The following NELL1 variants were observed in gnomAD, a reference collection of about 807,000 sequenced individuals.
NELL1 encodes the protein neural EGFL like 1.
A neutral mutation model predicts 107.4 loss-of-function variants in NELL1; 76 were observed. The ratio of observed to expected loss-of-function variants is 0.71; its 90% CI spans 0.59 to 0.86. NELL1 has a LOEUF of 0.86. Ranked by LOEUF, NELL1 falls within the 40% of genes least tolerant of loss-of-function variation. The pLI, the probability that NELL1 is intolerant of heterozygous loss-of-function variation, is 0.00. For missense variants in NELL1, 1,024 were observed against 1,005.5 expected, an observed-to-expected ratio of 1.02 and a Z score of -0.25; for synonymous variants, 353 against 341.2, an observed-to-expected ratio of 1.03 and a Z score of -0.38.
intron 14 of NELL1, among the ~76,000 whole-genome samples, chr11:21,287,351 A>G (rs969482662): frequency 2.8e-4 from 43 of 152,258 alleles, no homozygotes; most frequent in African/African-American, 8.9e-4. Flanking sequence ...GCCCTGTTCA[A>G]TCTATTTTCA....
rs573424528 is a variant in NELL1, at chr11:20,781,006, T to C, written c.185-2674T>C. Reference sequence around the variant, plus strand: ...ATTTTAAGCAGGAGGCTGAAATGACTCGGACTTAGGGTTTAAAAAGAGCAC... The same window carrying C: ...ATTTTAAGCAGGAGGCTGAAATGACCCGGACTTAGGGTTTAAAAAGAGCAC... On this transcript the variant is annotated intron_variant, in intron 2 of 19. Transcript: ENST00000357134. Among the ~76,000 whole-genome samples the C allele has an allele frequency of 2.0e-5, 3 of 152,286 alleles. No individual in the cohort carries two copies. In the South Asian group the frequency reaches 6.2e-4, roughly 32 times the overall value.
At chr11:20,763,228 G>A (rs995228331) in intron 2 of NELL1, among the ~76,000 whole-genome samples, 1 of 152,066 alleles carries the variant, frequency 6.6e-6, no homozygotes, top group Non-Finnish European at 1.5e-5. Flanking sequence ...TCTCACTGCT[G>A]GGTTGTAAGC....
intron 16 of NELL1, among the ~76,000 whole-genome samples, chr11:21,554,039 A>C (rs975512443): frequency 3.3e-5 from 5 of 151,834 alleles, no homozygotes; most frequent in Non-Finnish European, 5.9e-5. Flanking sequence ...GGTTGTTGAC[A>C]TCAATACTGT....
chr11:21,573,514 G>A (rs1857152487), intron 19 of NELL1, 105 bp downstream of exon 19: 1 of 935,716 alleles, frequency 1.1e-6, no homozygotes, highest in African/African-American at 1.6e-5. Flanking sequence ...AATGGACATG[G>A]TGGAAACTCT....
intron 13 of NELL1, among the ~76,000 whole-genome samples, chr11:21,165,469 T>C (rs760114829): frequency 1.3e-5 from 2 of 152,190 alleles, no homozygotes; most frequent in Non-Finnish European, 1.5e-5. Context: ...TTTCAATAAA[T>C]GAACTCTTGA....
chr11:21,337,723 TTTTCTTTCTTTCC>T (rs1361242580), intron 14 of NELL1, among the ~76,000 whole-genome samples: 2 of 151,180 alleles, frequency 1.3e-5, no homozygotes, highest in Admixed American at 6.6e-5. Context: ...CTTTTCATTC[TTTTCTTTCTTTCC>T]TTTCTTTCTT....
At chr11:21,567,367 G>A (rs1487829560) in intron 17 of NELL1, among the ~76,000 whole-genome samples, 1 of 151,780 alleles carries the variant, frequency 6.6e-6, no homozygotes, top group African/African-American at 2.4e-5. Context: ...CCTAGGATCA[G>A]GACACTTCCT....
At chr11:21,071,619 C>T (rs1309127415) in intron 12 of NELL1, among the ~76,000 whole-genome samples, 4 of 152,306 alleles carry the variant, frequency 2.6e-5, no homozygotes, top group African/African-American at 4.8e-5. Context: ...CTGGCCATGT[C>T]TTATTTCACA....
chr11:21,435,111 T>TTA (rs1853073730), intron 15 of NELL1, among the ~76,000 whole-genome samples: 1 of 151,940 alleles, frequency 6.6e-6, no homozygotes, highest in Admixed American at 6.6e-5. Flanking sequence ...ATGTATAAGA[T>TTA]TATGTCATCA....
At chr11:20,855,735 T>C (rs983606700) in intron 4 of NELL1, among the ~76,000 whole-genome samples, 1 of 152,176 alleles carries the variant, frequency 6.6e-6, no homozygotes, top group Non-Finnish European at 1.5e-5. Context: ...ACCAGAACAA[T>C]ACACCTGGTG....
intron 3 of NELL1, among the ~76,000 whole-genome samples, chr11:20,796,304 C>G (rs1045979332): frequency 3.9e-5 from 6 of 152,056 alleles, no homozygotes; most frequent in Non-Finnish European, 8.8e-5. Context: ...GACTTAAGCT[C>G]ATATTTAAAT....
chr11:20,793,474 C>T (rs1857113283), intron 3 of NELL1, among the ~76,000 whole-genome samples: 1 of 151,952 alleles, frequency 6.6e-6, no homozygotes, highest in Non-Finnish European at 1.5e-5. Context: ...ATCAAGTGGA[C>T]TGTTTTTCAT....
chr11:21,508,909 T>C (rs767786359), intron 15 of NELL1, among the ~76,000 whole-genome samples: 76 of 152,170 alleles, frequency 5.0e-4, no homozygotes, highest in Non-Finnish European at 8.2e-4. Context: ...CAACAAAAAA[T>C]GATGAAAATT....
intron 2 of NELL1, among the ~76,000 whole-genome samples, chr11:20,760,343 G>A (rs913041428): frequency 6.6e-6 from 1 of 152,218 alleles, no homozygotes; most frequent in African/African-American, 2.4e-5. Flanking sequence ...AACTAGTGTG[G>A]CTGGTCCAAT....
At chr11:20,993,498 A>T (rs1852022214) in intron 12 of NELL1, among the ~76,000 whole-genome samples, 1 of 152,174 alleles carries the variant, frequency 6.6e-6, no homozygotes, top group Non-Finnish European at 1.5e-5. Context: ...GTCAGTGAAC[A>T]GAGTCTTAAT....
Position 21,187,316 on chromosome 11 carries a change from TTAGA to T in NELL1, c.1427-42010_1427-42007del, listed in dbSNP as rs372407871. ...AGACAAGATGTCTGAAAGTTTGAAG[TTAGA>T]TAGATTAACTAGTTTTCCTTTTGGT... On this transcript the variant is annotated intron_variant, in intron 13 of 19. Transcript: ENST00000357134. Among the ~76,000 whole-genome samples the T allele has an allele frequency of 4.7e-4, 72 of 151,822 alleles. 3 individuals carry two copies. Among genetic ancestry groups the T allele is most frequent in the African/African-American group, 1.6e-3 (65 of 41,176 alleles).
At chr11:20,788,056 C>A (rs775031749) in intron 3 of NELL1, among the ~76,000 whole-genome samples, 5 of 152,098 alleles carry the variant, frequency 3.3e-5, no homozygotes, top group Non-Finnish European at 7.4e-5. Flanking sequence ...CTTTTTATTG[C>A]AGAATAATGT....
At chr11:21,194,827 T>C (rs984820291) in intron 13 of NELL1, among the ~76,000 whole-genome samples, 1 of 152,156 alleles carries the variant, frequency 6.6e-6, no homozygotes, top group African/African-American at 2.4e-5. Context: ...AACTGTATCA[T>C]ATGCAAAAGG....
chr11:21,285,659 C>T (rs1209934577), intron 14 of NELL1, among the ~76,000 whole-genome samples: 1 of 152,106 alleles, frequency 6.6e-6, no homozygotes, highest in Non-Finnish European at 1.5e-5. Context: ...GAGGTCAAAA[C>T]CCCAGTTAAC....
Sources: gnomAD v4.1 joint callset for allele counts (sites outside exome capture counted in the v4.1 genomes callset) on GRCh38, gnomAD v4.1.1 for gene constraint, MANE v1.5 for transcripts, NCBI Gene and HGNC (gene_info 2026-07-23, HGNC 2026-07-21) for gene names.